Variants in RIMS2 observed in about 807,000 individuals in gnomAD.
The protein encoded by RIMS2 is regulating synaptic membrane exocytosis protein 2.
In RIMS2, 59 loss-of-function variants were observed where a neutral mutation model predicts 174.4. The observed-to-expected ratio is 0.34, with a 90% CI of 0.27 to 0.42. The LOEUF is 0.42. Ranked by LOEUF, RIMS2 falls within the 10% of genes least tolerant of loss-of-function variation. RIMS2 has a pLI of 1.00. For synonymous variants in RIMS2, 606 were observed against 572.5 expected (o/e 1.06, Z -0.84); for missense variants, 1,620 against 1,666.3 (o/e 0.97, Z 0.48).
chr8:104,026,041 C>T (rs1409709570), intron 19 of RIMS2, among the ~76,000 whole-genome samples: 1 of 152,072 alleles, frequency 6.6e-6, no homozygotes, highest in Admixed American at 6.6e-5. Flanking sequence ...ATGCATTTCT[C>T]AGAACATATC....
intron 1 of RIMS2, among the ~76,000 whole-genome samples, chr8:103,621,615 T>C (rs1314145819): frequency 6.6e-6 from 1 of 152,226 alleles, no homozygotes; most frequent in Non-Finnish European, 1.5e-5. Flanking sequence ...TTAGCACAGG[T>C]CTTTGAATAA....
chr8:103,960,121 G>A (rs1028584945), intron 14 of RIMS2, among the ~76,000 whole-genome samples: 7 of 152,134 alleles, frequency 4.6e-5, no homozygotes, highest in African/African-American at 1.7e-4. Flanking sequence ...GACTAATAAA[G>A]AATTCTGTTG....
intron 19 of RIMS2, among the ~76,000 whole-genome samples, chr8:104,104,243 T>C (rs551704328): frequency 1.3e-5 from 2 of 152,198 alleles, no homozygotes; most frequent in South Asian, 4.1e-4. Context: ...ATATGAGAAG[T>C]AGCTTACAAT....
intron 1 of RIMS2, among the ~76,000 whole-genome samples, chr8:103,627,309 C>T (rs2095810087): frequency 6.6e-6 from 1 of 152,182 alleles, no homozygotes; most frequent in Non-Finnish European, 1.5e-5. Context: ...GTTATCTTCC[C>T]TTGTTCCCTG....
intron 19 of RIMS2, among the ~76,000 whole-genome samples, chr8:104,089,285 TACTC>T (rs1430868157): frequency 5.9e-5 from 9 of 152,056 alleles, no homozygotes; most frequent in South Asian, 2.1e-4. Flanking sequence ...TAAATTTACT[TACTC>T]ACATTCGTAG....
At chr8:103,527,031 C>G (rs1467187361) in intron 1 of RIMS2, among the ~76,000 whole-genome samples, 1 of 152,134 alleles carries the variant, frequency 6.6e-6, no homozygotes, top group Non-Finnish European at 1.5e-5. Flanking sequence ...TAGCCATTTT[C>G]AAAGTATCTC....
In RIMS2 at chr8:104,173,613, A is replaced by ATTTT. The variant is rs71297262; in HGVS notation, c.3335-71273_3335-71270dup. Among the ~76,000 whole-genome samples, 227 of 54,244 alleles carry ATTTT rather than the reference A, an allele frequency of 4.2e-3. 50 individuals carry two copies. Among genetic ancestry groups the ATTTT allele is most frequent in the South Asian group, 0.011 (10 of 950 alleles). The allele number at this position is 54,244 out of a possible 152,430, so 35.6% of individuals were successfully genotyped here. ...AATATTTACTACCTTAGCTCTTCTGATTTTTTTTTTTTTTTTTTTTTTTTT... is the reference window on the plus strand; with the variant it reads ...AATATTTACTACCTTAGCTCTTCTGATTTTTTTTTTTTTTTTTTTTTTTTTTTTT... On this transcript the variant is annotated intron_variant, in intron 19 of 23. Coordinates refer to ENST00000504942, the Ensembl canonical transcript of RIMS2.
chr8:104,041,975 A>G (rs977992748), intron 19 of RIMS2, among the ~76,000 whole-genome samples: 6 of 151,566 alleles, frequency 4.0e-5, no homozygotes, highest in Non-Finnish European at 7.4e-5. Context: ...TTTGAGCTGA[A>G]ACTTGAACAC....
At chr8:103,679,580 C>A (rs1484210026) in intron 1 of RIMS2, among the ~76,000 whole-genome samples, 1 of 151,840 alleles carries the variant, frequency 6.6e-6, no homozygotes, top group Non-Finnish European at 1.5e-5. Flanking sequence ...TTGCCAGGAA[C>A]AGCAGTAAAT....
chr8:103,827,906 A>C (rs1224988231), intron 3 of RIMS2, among the ~76,000 whole-genome samples: 1 of 152,132 alleles, frequency 6.6e-6, no homozygotes, highest in Non-Finnish European at 1.5e-5. Context: ...ATCTCAAAAA[A>C]AAAAAGGTGT....
intron 1 of RIMS2, among the ~76,000 whole-genome samples, chr8:103,623,132 A>G (rs1244402898): frequency 1.3e-5 from 2 of 152,154 alleles, no homozygotes; most frequent in African/African-American, 4.8e-5. Context: ...TGATCTCCCA[A>G]TGTGATTTTG....
intron 4 of RIMS2, among the ~76,000 whole-genome samples, chr8:103,886,537 AT>A (rs1274878096): frequency 3.3e-5 from 5 of 151,880 alleles, no homozygotes; most frequent in Non-Finnish European, 7.4e-5. Context: ...AATAACATTT[AT>A]TTTTTGTCTC....
chr8:103,698,282 A>G (rs1328696045), intron 2 of RIMS2, among the ~76,000 whole-genome samples: 6 of 152,198 alleles, frequency 3.9e-5, no homozygotes, highest in African/African-American at 1.4e-4. Flanking sequence ...ATAATTTTGA[A>G]TAAAGTGGAT....
intron 1 of RIMS2, among the ~76,000 whole-genome samples, chr8:103,675,887 C>G (rs1400949607): frequency 1.3e-5 from 2 of 152,098 alleles, no homozygotes; most frequent in Admixed American, 1.3e-4. Flanking sequence ...TTTACTCTAT[C>G]AGTCTTACAA....
intron 19 of RIMS2, among the ~76,000 whole-genome samples, chr8:104,122,898 T>C (rs1356328300): frequency 6.6e-6 from 1 of 152,186 alleles, no homozygotes; most frequent in Non-Finnish European, 1.5e-5. Context: ...CAACAAGTTA[T>C]CTTTCTTCTC....
intron 19 of RIMS2, among the ~76,000 whole-genome samples, chr8:104,169,964 G>C (rs1292801061): frequency 6.6e-6 from 1 of 151,958 alleles, no homozygotes; most frequent in Admixed American, 6.6e-5. Flanking sequence ...CCATGTATTT[G>C]TATAGTTTTG....
At chr8:104,178,334 G>T (rs2098917993) in intron 19 of RIMS2, among the ~76,000 whole-genome samples, 1 of 152,116 alleles carries the variant, frequency 6.6e-6, no homozygotes, top group African/African-American at 2.4e-5. Context: ...TCAGCTCCTA[G>T]AGCTGGCCTG....
chr8:103,667,148 C>A (rs1423223660), intron 1 of RIMS2, among the ~76,000 whole-genome samples: 1 of 152,120 alleles, frequency 6.6e-6, no homozygotes, highest in Non-Finnish European at 1.5e-5. Context: ...TTGTTTCAAC[C>A]AAGCAACCTA....
At chr8:103,668,450 A>C (rs931457349) in intron 1 of RIMS2, among the ~76,000 whole-genome samples, 1 of 152,206 alleles carries the variant, frequency 6.6e-6, no homozygotes, top group Admixed American at 6.5e-5. Flanking sequence ...TGAAAACAAC[A>C]ATGGAATGAA....
Sources: allele counts gnomAD v4.1 joint callset (sites outside exome capture counted in the v4.1 genomes callset), GRCh38; gene constraint gnomAD v4.1.1; transcripts MANE v1.5; gene names NCBI Gene and HGNC (gene_info 2026-07-23, HGNC 2026-07-21).